FAM13A: variants seen among roughly 807,000 people sequenced by gnomAD.
FAM13A encodes protein FAM13A.
A neutral mutation model predicts 129.6 loss-of-function variants in FAM13A; 76 were observed. The ratio of observed to expected loss-of-function variants is 0.59; its 90% confidence interval spans 0.49 to 0.71. FAM13A has a LOEUF of 0.71. Among genes scored for constraint, FAM13A ranks in the 30% least tolerant of loss-of-function variants. The probability of loss-of-function intolerance (pLI) is 0.00; values close to 1 mark genes in which losing one functional copy is unlikely to be tolerated. For missense variants in FAM13A, 1,108 were observed against 1,249.3 expected (o/e 0.89, Z 1.70); for synonymous variants, 443 against 449.9 (o/e 0.98, Z 0.20).
intron 5 of FAM13A, among the ~76,000 whole-genome samples, chr4:88,922,570 AT>A (rs910089931): frequency 5.3e-5 from 8 of 152,172 alleles, no homozygotes; most frequent in African/African-American, 1.9e-4. Flanking sequence ...AGGGAAATTT[AT>A]AGCACTAAAT....
chr4:88,885,632 T>A (rs1744279054), intron 6 of FAM13A, among the ~76,000 whole-genome samples: 1 of 151,990 alleles, frequency 6.6e-6, no homozygotes, highest in African/African-American at 2.4e-5. Context: ...CAAAAGCATA[T>A]GCAACAATAA....
At chr4:89,046,324 T>G (rs1178238920) in intron 1 of FAM13A, among the ~76,000 whole-genome samples, 2 of 152,206 alleles carry the variant, frequency 1.3e-5, no homozygotes, top group Admixed American at 1.3e-4. Context: ...GATTTGAGGT[T>G]GGAACATATT....
rs576581578 is a variant in FAM13A at position 88,738,820 on chromosome 4, T to C, written c.2562+210A>G. The stretch of plus-strand genomic sequence containing the variant: ...AAAGGGAAAAATAAATTCTATCAGC[T>C]TCAGATTTGCCCATTTTTAACAAAT... On this transcript the variant is annotated intron_variant, in intron 20 of 23. Coordinates refer to ENST00000264344, the MANE Select transcript of FAM13A (RefSeq NM_014883.4). Among the ~76,000 whole-genome samples, 9 of 152,326 alleles carry C rather than the reference T, an allele frequency of 5.9e-5. No individual in the cohort carries two copies. In the East Asian group the frequency reaches 1.7e-3, roughly 29 times the overall value.
chr4:88,760,386 T>C lies in FAM13A; in HGVS notation c.1579-1485A>G, dbSNP rs1307966058. ...TTGGGAGGCAGAGGCGGGCGGATCA[T>C]GAGGTCAGGAGATCGAGACCATCCT... On this transcript the variant is annotated intron_variant, in intron 13 of 23. Transcript: ENST00000264344. Among the ~76,000 whole-genome samples, 7 of 28,908 alleles carry C rather than the reference T, an allele frequency of 2.4e-4. 1 individual carries two copies. The highest frequency in any genetic ancestry group is 3.8e-4 in the Non-Finnish European group (2 of 5,210). 19.0% of individuals were successfully genotyped at this position (28,908 alleles called of 152,430 possible).
chr4:89,024,886 G>A (rs890244778), intron 2 of FAM13A, among the ~76,000 whole-genome samples: 3 of 152,126 alleles, frequency 2.0e-5, no homozygotes, highest in African/African-American at 7.2e-5. Context: ...GTAGTATGAG[G>A]TGTGGGCAAT....
intron 5 of FAM13A, among the ~76,000 whole-genome samples, chr4:88,922,881 C>T (rs1176779990): frequency 6.6e-6 from 1 of 152,012 alleles, no homozygotes; most frequent in Non-Finnish European, 1.5e-5. Flanking sequence ...ACCACCGATC[C>T]CACAGAAATT....
intron 6 of FAM13A, among the ~76,000 whole-genome samples, chr4:88,857,425 C>T (rs1738711695): frequency 6.6e-6 from 1 of 152,044 alleles, no homozygotes; most frequent in African/African-American, 2.4e-5. Context: ...GCCAGGAGTT[C>T]AAGACCAGCC....
intron 6 of FAM13A, among the ~76,000 whole-genome samples, chr4:88,904,391 G>A (rs2150224003): frequency 6.6e-6 from 1 of 152,222 alleles, no homozygotes; most frequent in East Asian, 1.9e-4. Flanking sequence ...TCATAGACTG[G>A]ATAAAGAAAA....
chr4:88,798,921 A>G (rs1390808800), intron 8 of FAM13A, among the ~76,000 whole-genome samples: 1 of 152,220 alleles, frequency 6.6e-6, no homozygotes, highest in African/African-American at 2.4e-5. Flanking sequence ...ATTTTCTACA[A>G]GTGAATTCTT....
At chr4:88,863,347 G>A (rs948622048) in intron 6 of FAM13A, among the ~76,000 whole-genome samples, 2 of 151,958 alleles carry the variant, frequency 1.3e-5, no homozygotes, top group East Asian at 1.9e-4. Flanking sequence ...GAGGTGCTGC[G>A]AGGGTGGTGT....
chr4:88,875,039 G>A, intron 6 of FAM13A, among the ~76,000 whole-genome samples: 1 of 152,204 alleles, frequency 6.6e-6, no homozygotes, highest in Non-Finnish European at 1.5e-5. Flanking sequence ...AAGAAATGGG[G>A]AAAGGATTCC....
intron 6 of FAM13A, among the ~76,000 whole-genome samples, chr4:88,890,657 AT>A (rs1407292754): frequency 2.0e-5 from 3 of 152,204 alleles, no homozygotes; most frequent in African/African-American, 4.8e-5. Context: ...GGAAATAACA[AT>A]CAGAGATCAA....
intron 4 of FAM13A, among the ~76,000 whole-genome samples, chr4:88,984,558 G>T (rs1193876861): frequency 6.6e-6 from 1 of 152,030 alleles, no homozygotes; most frequent in Non-Finnish European, 1.5e-5. Context: ...TTAGTAATCA[G>T]GGAAATGCAA....
At chr4:88,764,602 T>C (rs1400685260) in intron 13 of FAM13A, among the ~76,000 whole-genome samples, 3 of 152,218 alleles carry the variant, frequency 2.0e-5, no homozygotes, top group Non-Finnish European at 1.5e-5. Context: ...GGATGACCTC[T>C]CTTCTGGATA....
chr4:88,731,913 G>A, intron 22 of FAM13A, 89 bp downstream of exon 22: 1 of 1,050,166 alleles, frequency 9.5e-7, no homozygotes, highest in Non-Finnish European at 1.3e-6. Context: ...TATTTTATCA[G>A]CTAATTTATT....
intron 6 of FAM13A, among the ~76,000 whole-genome samples, chr4:88,893,001 A>C (rs1745626098): frequency 6.6e-6 from 1 of 152,194 alleles, no homozygotes; most frequent in Admixed American, 6.5e-5. Context: ...ACAGCTAACA[A>C]ACAAACTCTT....
chr4:89,029,452 T>C lies in FAM13A; in HGVS notation c.217+8A>G. 1.3e-6 allele frequency: 2 copies of C among 1,590,238 alleles called. No homozygotes were observed. The highest frequency in any genetic ancestry group is 8.5e-7 in the Non-Finnish European group (1 of 1,170,066). ...AAAATGAACAGACTAAAGCATGACT[T>C]AACTCACCATGCTGCGTCAAATATT... On this transcript the variant is annotated splice_region_variant and intron_variant, in intron 2 of 23. Transcript: ENST00000264344.
At chr4:88,947,733 CTA>C (rs201555496) in intron 4 of FAM13A, among the ~76,000 whole-genome samples, 1,633 of 151,434 alleles carry the variant, frequency 0.011, 30 homozygotes, top group African/African-American at 0.037. Context: ...GACGCTTATT[CTA>C]TAATAGAATG....
At chr4:89,046,003 A>C (rs1361344608) in intron 1 of FAM13A, among the ~76,000 whole-genome samples, 1 of 150,658 alleles carries the variant, frequency 6.6e-6, no homozygotes, top group Non-Finnish European at 1.5e-5. Context: ...CAGCCTGGGC[A>C]ACAAGAGCGA....
Sources: gnomAD v4.1 joint callset for allele counts (sites outside exome capture counted in the v4.1 genomes callset) on GRCh38, gnomAD v4.1.1 for gene constraint, MANE v1.5 for transcripts, NCBI Gene and HGNC (gene_info 2026-07-23, HGNC 2026-07-21) for gene names.